TSHZ2: variants seen among roughly 807,000 people sequenced by gnomAD.
TSHZ2 encodes teashirt zinc finger homeobox 2.
A neutral mutation model predicts 74.4 loss-of-function variants in TSHZ2; 21 were observed. That is an observed-to-expected ratio of 0.28 (90% CI 0.20 to 0.41). The LOEUF is 0.41. TSHZ2 is among the 10% of genes least tolerant of loss of function. The probability of loss-of-function intolerance (pLI) is 1.00; values close to 1 mark genes in which losing one functional copy is unlikely to be tolerated. For missense variants in TSHZ2, 1,244 were observed against 1,293.5 expected, an observed-to-expected ratio of 0.96 and a Z score of 0.59; for synonymous variants, 540 against 515.3, an observed-to-expected ratio of 1.05 and a Z score of -0.65.
At chr20:53,036,605 C>A (rs1983827480) in intron 1 of TSHZ2, among the ~76,000 whole-genome samples, 1 of 148,294 alleles carries the variant, frequency 6.7e-6, no homozygotes, top group South Asian at 2.1e-4. Flanking sequence ...TTATGTATAT[C>A]ATATATAATA....
chr20:53,091,931 A>G (rs1985897772), intron 1 of TSHZ2, among the ~76,000 whole-genome samples: 1 of 152,176 alleles, frequency 6.6e-6, no homozygotes, highest in Non-Finnish European at 1.5e-5. Context: ...CTGTTGTACC[A>G]GCTACTAGAG....
At chr20:53,328,199 T>G (rs1308479833) in intron 2 of TSHZ2, among the ~76,000 whole-genome samples, 1 of 152,200 alleles carries the variant, frequency 6.6e-6, no homozygotes. Flanking sequence ...ATTTCCAAGA[T>G]TGCATGTAAC....
At chr20:53,305,744 C>T (rs1461022445) in intron 2 of TSHZ2, among the ~76,000 whole-genome samples, 1 of 152,068 alleles carries the variant, frequency 6.6e-6, no homozygotes, top group Non-Finnish European at 1.5e-5. Flanking sequence ...CTTTGGGAGG[C>T]CTAGGCAGGT....
At chr20:53,169,369 T>G (rs1317133875) in intron 1 of TSHZ2, among the ~76,000 whole-genome samples, 5 of 152,214 alleles carry the variant, frequency 3.3e-5, no homozygotes, top group Non-Finnish European at 7.3e-5. Flanking sequence ...TGAGCTCTAG[T>G]CTCCCATGCT....
intron 1 of TSHZ2, among the ~76,000 whole-genome samples, chr20:53,158,945 T>G (rs1987862234): frequency 6.6e-6 from 1 of 152,270 alleles, no homozygotes; most frequent in Non-Finnish European, 1.5e-5. Flanking sequence ...CCTCTTTTCC[T>G]TCATTACATT....
intron 1 of TSHZ2, among the ~76,000 whole-genome samples, chr20:53,207,335 G>A (rs1989193211): frequency 1.3e-5 from 2 of 152,084 alleles, no homozygotes; most frequent in South Asian, 2.1e-4. Flanking sequence ...TCAGGGGTGG[G>A]GGGCACTTAA....
At chr20:52,978,272 G>A (rs1981423080) in intron 1 of TSHZ2, among the ~76,000 whole-genome samples, 1 of 152,146 alleles carries the variant, frequency 6.6e-6, no homozygotes, top group East Asian at 1.9e-4. Context: ...TAAAGCCATT[G>A]AAATGATGCC....
chr20:53,222,779 A>G lies in TSHZ2; in HGVS notation c.41-30720A>G, dbSNP rs552811288. On this transcript the variant is annotated intron_variant, in intron 1 of 2. Transcript: ENST00000371497. ...TAGCCACATGCAAGCTTACAGACCC[A>G]GGTGGGATCCAATCAAATAAATACA... Among the ~76,000 whole-genome samples the G allele has an allele frequency of 2.2e-4, 33 of 152,374 alleles. No individual in the cohort carries two copies. In the East Asian group the frequency reaches 6.2e-3, roughly 28 times the overall value.
At chr20:53,191,699 G>C (rs1483868620) in intron 1 of TSHZ2, among the ~76,000 whole-genome samples, 1 of 152,178 alleles carries the variant, frequency 6.6e-6, no homozygotes, top group Non-Finnish European at 1.5e-5. Context: ...CTTCACTTTG[G>C]AACCCTTCTT....
chr20:53,240,115 T>A (rs768443028), intron 1 of TSHZ2, among the ~76,000 whole-genome samples: 2 of 152,188 alleles, frequency 1.3e-5, no homozygotes, highest in African/African-American at 2.4e-5. Context: ...TTCCTCATAC[T>A]AGCAAAGCTC....
chr20:53,211,853 C>T (rs1251459889), intron 1 of TSHZ2, among the ~76,000 whole-genome samples: 1 of 152,098 alleles, frequency 6.6e-6, no homozygotes, highest in East Asian at 1.9e-4. Flanking sequence ...GAACATTGTA[C>T]CCAATAGGTA....
rs530574582 is a variant in TSHZ2 at position 53,098,922 on chromosome 20, T to C, written c.40+125589T>C. Among the ~76,000 whole-genome samples the C allele has an allele frequency of 2.6e-5, 4 of 152,376 alleles. No homozygotes were observed. In the South Asian group the frequency reaches 8.3e-4, roughly 32 times the overall value. ...AGGGTTGTGGTTTTCTGTATCCTTC[T>C]GTATCTTTGGATGGTTACAATTCCC... On this transcript the variant is annotated intron_variant, in intron 1 of 2. Coordinates refer to ENST00000371497, the MANE Select transcript of TSHZ2 (RefSeq NM_173485.6).
intron 1 of TSHZ2, among the ~76,000 whole-genome samples, chr20:53,068,525 C>T (rs543903460): frequency 6.6e-6 from 1 of 152,270 alleles, no homozygotes; most frequent in South Asian, 2.1e-4. Flanking sequence ...AGCCCCCACA[C>T]CGAGTCTAGT....
intron 2 of TSHZ2, among the ~76,000 whole-genome samples, chr20:53,329,417 G>A (rs1249312633): frequency 6.6e-6 from 1 of 152,152 alleles, no homozygotes; most frequent in East Asian, 1.9e-4. Flanking sequence ...ACAGACCCCA[G>A]GACTGTATTT....
rs571399160 is a variant in TSHZ2 at position 53,376,332 on chromosome 20, C to T, written c.*9-110812C>T. 2.0e-5 allele frequency among the ~76,000 whole-genome samples: 3 copies of T among 152,258 alleles called. No individual in the cohort carries two copies. The East Asian group carries it at 5.8e-4, about 29-fold the overall frequency. ...TGGCAAACTGGAACAGATGGACCATCCTTGTAATAAGCAATAAGTACAGTG... is the reference window on the plus strand; with the variant it reads ...TGGCAAACTGGAACAGATGGACCATTCTTGTAATAAGCAATAAGTACAGTG... On this transcript the variant is annotated intron_variant, in intron 2 of 2. Transcript: ENST00000371497.
intron 2 of TSHZ2, among the ~76,000 whole-genome samples, chr20:53,283,366 C>T (rs188713356): frequency 7.9e-5 from 12 of 152,320 alleles, no homozygotes; most frequent in Non-Finnish European, 1.2e-4. Context: ...AAACTCTTTA[C>T]ATACATCATG....
intron 1 of TSHZ2, among the ~76,000 whole-genome samples, chr20:53,174,509 C>G (rs970098956): frequency 6.6e-6 from 1 of 152,176 alleles, no homozygotes; most frequent in Non-Finnish European, 1.5e-5. Context: ...GGCTCATTTT[C>G]AAATCTGCTT....
At chr20:53,089,925 C>T (rs1170963209) in intron 1 of TSHZ2, among the ~76,000 whole-genome samples, 1 of 152,198 alleles carries the variant, frequency 6.6e-6, no homozygotes, top group African/African-American at 2.4e-5. Context: ...GGAGAATTGA[C>T]TCACAATTGC....
At chr20:53,237,491 CTT>C (rs1287138437) in intron 1 of TSHZ2, among the ~76,000 whole-genome samples, 1 of 136,146 alleles carries the variant, frequency 7.3e-6, no homozygotes, top group Non-Finnish European at 1.5e-5. Context: ...CTGTCTCTCT[CTT>C]TCTCTGTGTG....
Sources: gnomAD v4.1 joint callset for allele counts (sites outside exome capture counted in the v4.1 genomes callset) on GRCh38, gnomAD v4.1.1 for gene constraint, MANE v1.5 for transcripts, NCBI Gene and HGNC (gene_info 2026-07-23, HGNC 2026-07-21) for gene names.